Variants in DNASE1 observed in about 807,000 individuals in gnomAD.
The protein encoded by DNASE1 is deoxyribonuclease-1.
In DNASE1, 40 loss-of-function variants were observed where a neutral mutation model predicts 33.9. The ratio of observed to expected loss-of-function variants is 1.18; its 90% confidence interval spans 0.92 to 1.54. DNASE1 has a LOEUF of 1.54. DNASE1 is among the 40% of genes most tolerant of loss of function. The pLI is 0.00. For missense variants in DNASE1, 518 were observed against 372.6 expected, an observed-to-expected ratio of 1.39 and a Z score of -3.21; for synonymous variants, 216 against 160.0, an observed-to-expected ratio of 1.35 and a Z score of -2.64.
At chr16:3,661,092 T>C (rs2043049070), downstream of DNASE1, 1 of 152,132 alleles carries the variant, frequency 6.6e-6, no homozygotes, top group Admixed American at 6.5e-5. Context: ...ATATACAAGT[T>C]AGTTCATATA....
At chr16:3,634,477 C>T (rs1270112803) in intron 1 of DNASE1, among the ~76,000 whole-genome samples, 1 of 151,988 alleles carries the variant, frequency 6.6e-6, no homozygotes, top group African/African-American at 2.4e-5. Flanking sequence ...ATCTGCCCAC[C>T]TCGGCCTCCC....
downstream of DNASE1, chr16:3,658,747 G>A (rs367861336): frequency 1.3e-4 from 203 of 1,571,938 alleles, 1 homozygote; most frequent in Non-Finnish European, 1.1e-4. Context: ...GGCTGGCAGG[G>A]CTGGTAGCCT....
chr16:3,657,466 C>A, intron 7 of DNASE1, 125 bp downstream of exon 7: 1 of 1,361,980 alleles, frequency 7.3e-7, no homozygotes, highest in Non-Finnish European at 1.0e-6. Context: ...AGTTGATCCA[C>A]TACAGGGAAC....
chr16:3,662,318 G>A (rs566920784), downstream of DNASE1: 406 of 714,996 alleles, frequency 5.7e-4, 1 homozygote, highest in South Asian at 3.3e-3. Context: ...GATGCCCCAC[G>A]CAAAGATACT....
At chr16:3,627,269 CAT>C (rs562030706) in intron 1 of DNASE1, among the ~76,000 whole-genome samples, 64 of 149,772 alleles carry the variant, frequency 4.3e-4, no homozygotes, top group African/African-American at 1.2e-3. Context: ...GTTTGCATGA[CAT>C]ATCCTTTTTT....
exon 10 of DNASE1, chr16:3,663,169 T>TA (rs1323450090): frequency 1.5e-5 from 10 of 660,216 alleles, no homozygotes; most frequent in Middle Eastern, 8.3e-4. Flanking sequence ...GTTAGGGCTT[T>TA]AAAAAAATAC....
At chr16:3,638,639 CTGTT>C (rs2041946818), upstream of DNASE1, among the ~76,000 whole-genome samples, 1 of 152,292 alleles carries the variant, frequency 6.6e-6, no homozygotes, top group Non-Finnish European at 1.5e-5. Context: ...CGCCCGGCCT[CTGTT>C]TGGGTTTTAT....
At chr16:3,620,397 G>A (rs1002600979) in intron 1 of DNASE1, among the ~76,000 whole-genome samples, 1 of 150,320 alleles carries the variant, frequency 6.7e-6, no homozygotes, top group Non-Finnish European at 1.5e-5. Flanking sequence ...AGAGTACTCA[G>A]TGTGTCACCC....
upstream of DNASE1, among the ~76,000 whole-genome samples, chr16:3,639,364 C>T (rs553466637): frequency 1.1e-4 from 16 of 152,300 alleles, no homozygotes; most frequent in South Asian, 1.5e-3. Context: ...CCCAGCTAGC[C>T]GCCTGGCAGC....
chr16:3,639,563 C>G (rs1456786256), upstream of DNASE1, among the ~76,000 whole-genome samples: 2 of 152,174 alleles, frequency 1.3e-5, no homozygotes, highest in Admixed American at 6.6e-5. Context: ...AGGTCTGAAT[C>G]CTTCCCTTAG....
rs201161491 is a variant in DNASE1 at position 3,655,448 on chromosome 16, C to G, written c.75C>G (p.Ile25Met). The G allele has an allele frequency of 3.7e-6, 6 of 1,614,020 alleles. No individual in the cohort carries two copies. The African/African-American group carries it at 4.0e-5, about 11-fold the overall frequency. Residue 25 changes from isoleucine (I) to methionine (M), a missense_variant, in exon 2 of 9, where the codon ATC (isoleucine) becomes ATG (methionine). Transcript: ENST00000246949. ...ALLQGAVSLK[I>M]AAFNIQTFGE... is the part of the protein sequence containing the mutation. Reference sequence around the variant, plus strand: ...TGCAGGGGGCCGTGTCCCTGAAGATCGCAGCCTTCAACATCCAGACATTTG... The same window carrying G: ...TGCAGGGGGCCGTGTCCCTGAAGATGGCAGCCTTCAACATCCAGACATTTG...
At chr16:3,664,148 T>C (rs947019355) in exon 10 of DNASE1, 7 of 1,027,830 alleles carry the variant, frequency 6.8e-6, no homozygotes, top group Non-Finnish European at 9.4e-6. Flanking sequence ...TCTGTGCCCG[T>C]GACCCTGACC....
At chr16:3,656,587 T>G (rs766049033) in intron 4 of DNASE1, 51 bp from the exon 5 acceptor site, 1 of 1,492,514 alleles carries the variant, frequency 6.7e-7, no homozygotes, top group South Asian at 1.2e-5. Flanking sequence ...GAAGCAGGAG[T>G]GGGGCAGCTT....
At chr16:3,663,234 G>A (rs1193114873) in exon 10 of DNASE1, 2 of 755,108 alleles carry the variant, frequency 2.6e-6, no homozygotes, top group Admixed American at 2.9e-5. Flanking sequence ...AGGAGCACTG[G>A]ACAGACCCCT....
At chr16:3,624,268 CAAAA>C (rs768493205) in intron 1 of DNASE1, among the ~76,000 whole-genome samples, 1 of 72,498 alleles carries the variant, frequency 1.4e-5, no homozygotes. Context: ...GACTCTGTCT[CAAAA>C]AAAAAAAAAA....
intron 1 of DNASE1, chr16:3,612,065 G>A (rs978961173): frequency 2.0e-5 from 3 of 152,184 alleles, no homozygotes; most frequent in African/African-American, 7.3e-5. Context: ...CGTGAAGAGG[G>A]GATTCTGCCG....
downstream of DNASE1, chr16:3,658,690 C>A (rs573537428): frequency 2.1e-3 from 2,425 of 1,180,784 alleles, 50 homozygotes; most frequent in African/African-American, 0.031. Context: ...AACAAACAAA[C>A]AAAAAGACAG....
exon 10 of DNASE1, chr16:3,664,516 C>T: frequency 4.6e-6 from 7 of 1,537,038 alleles, no homozygotes; most frequent in Non-Finnish European, 6.1e-6. Context: ...CAATGTTGCC[C>T]AACTAACTGG....
exon 10 of DNASE1, chr16:3,663,730 C>A: frequency 2.6e-6 from 2 of 763,134 alleles, no homozygotes; most frequent in South Asian, 1.8e-5. Context: ...ACACCTGGGT[C>A]TAAGGAAGGC....
Sources: allele counts gnomAD v4.1 joint callset (sites outside exome capture counted in the v4.1 genomes callset), GRCh38; gene constraint gnomAD v4.1.1; transcripts MANE v1.5; gene names NCBI Gene and HGNC (gene_info 2026-07-23, HGNC 2026-07-21).